The following TST variants were observed in gnomAD, a reference collection of about 807,000 sequenced individuals.
TST encodes thiosulfate sulfurtransferase.
A neutral mutation model predicts 20.4 loss-of-function variants in TST; 22 were observed. That is an observed-to-expected ratio of 1.08 (90% confidence interval 0.77 to 1.54). The LOEUF is 1.54. Among genes scored for constraint, TST ranks in the 40% most tolerant of loss-of-function variants. TST has a pLI of 0.00. For synonymous variants in TST, 187 were observed against 173.8 expected, an observed-to-expected ratio of 1.08 and a Z score of -0.60; for missense variants, 392 against 405.2, an observed-to-expected ratio of 0.97 and a Z score of 0.28.
chr22:37,014,768 T>G (rs1268201031), intron 2 of TST, among the ~76,000 whole-genome samples: 1 of 152,216 alleles, frequency 6.6e-6, no homozygotes, highest in East Asian at 1.9e-4. Flanking sequence ...GATGACCTCT[T>G]GTACTCAACT....
At chr22:37,019,093 C>G (rs1396161336) in intron 1 of TST, 1 of 208,736 alleles carries the variant, frequency 4.8e-6, no homozygotes, top group Non-Finnish European at 9.5e-6. Context: ...AAAGCATGCC[C>G]GGGATGGGGG....
chr22:37,014,653 G>A (rs945525953), intron 2 of TST, among the ~76,000 whole-genome samples: 4 of 152,218 alleles, frequency 2.6e-5, no homozygotes, highest in African/African-American at 9.6e-5. Context: ...GCTTGCCTCA[G>A]GACACACAGC....
At chr22:37,019,865 A>T, upstream of TST, 1 of 1,220,202 alleles carries the variant, frequency 8.2e-7, no homozygotes, top group Non-Finnish European at 1.0e-6. Context: ...CGGGAGTCCG[A>T]GACCCGGGTA....
chr22:37,011,198 C>A lies in TST; in HGVS notation c.723G>T (p.Ser241=). The A allele has an allele frequency of 1.9e-6, 3 of 1,613,772 alleles. No individual in the cohort carries two copies. Among genetic ancestry groups the A allele is most frequent in the Non-Finnish European group, 2.5e-6 (3 of 1,180,008 alleles). ...TGCGGCACGTGGCAATGAGAGGCTG[C>A]GAGAGATCCACCTTCTTGGTCTGGA... ...ALFQTKKVDL[S]QPLIATCRKG... The change falls in exon 3 of 3, where the codon TCG becomes TCT. Residue 241 remains serine, a synonymous_variant. Coordinates refer to ENST00000249042, the MANE Select transcript of TST (RefSeq NM_003312.6).
Position 37,018,270 on chromosome 22 carries a change from C to T in TST, c.463G>A (p.Ala155Thr). The T allele has an allele frequency of 6.2e-7, 1 of 1,614,068 alleles. No individual in the cohort carries two copies. The highest frequency in any genetic ancestry group is 1.3e-5 in the African/African-American group (1 of 75,034). The stretch of plus-strand genomic sequence containing the variant: ...TTGAGCAGGGAGCGGTCCAGTGTGG[C>T]TTTGAAGACGGCCGGTTCTGGGCGT... The part of the protein sequence containing the change: ...PSRPEPAVFK[A>T]TLDRSLLKTY... Residue 155 changes from alanine to threonine, a missense_variant, in exon 2 of 3, where the codon GCC becomes ACC. Physicochemically the swap from Ala to Thr is moderately conservative, Grantham distance 58 (BLOSUM62 0). Transcript: ENST00000249042.
chr22:37,019,834 G>A (rs1922918338), upstream of TST: 2 of 1,210,952 alleles, frequency 1.7e-6, no homozygotes, highest in Non-Finnish European at 1.0e-6. Context: ...CGCCGCGGGG[G>A]CCATGGCGGA....
chr22:37,019,818 G>A (rs531305334), upstream of TST: 178 of 1,178,592 alleles, frequency 1.5e-4, no homozygotes, highest in African/African-American at 2.4e-3. Flanking sequence ...CGGGGAGGGG[G>A]CGCCGCGCCG....
At chr22:37,019,948 T>C (rs1172676110), upstream of TST, 20 of 623,594 alleles carry the variant, frequency 3.2e-5, no homozygotes, top group Admixed American at 5.7e-4. Flanking sequence ...GGCGCGGGGC[T>C]CCCGCGCGGG....
chr22:37,011,772 G>A (rs185704636), intron 2 of TST, among the ~76,000 whole-genome samples: 21 of 152,364 alleles, frequency 1.4e-4, no homozygotes, highest in Non-Finnish European at 5.9e-5. Flanking sequence ...CAGAGACACA[G>A]CCAGGCCCTC....
chr22:37,015,149 T>C (rs4821583), intron 2 of TST, among the ~76,000 whole-genome samples: 70,513 of 151,552 alleles, frequency 0.47, 16,570 homozygotes, highest in East Asian at 0.61. Flanking sequence ...TGCCACTTTG[T>C]CTTAACAGAG....
At chr22:37,017,606 A>C (rs1365439197) in intron 2 of TST, among the ~76,000 whole-genome samples, 2 of 139,254 alleles carry the variant, frequency 1.4e-5, no homozygotes, top group East Asian at 4.2e-4. Flanking sequence ...GACGGGCTGC[A>C]GCTGCCTGGA....
chr22:37,014,523 C>T (rs1024166972), intron 2 of TST, among the ~76,000 whole-genome samples: 7 of 152,246 alleles, frequency 4.6e-5, no homozygotes, highest in Non-Finnish European at 7.3e-5. Context: ...CCATAACCTG[C>T]GGCACCAGGC....
rs1394824392 is a variant in TST, at chr22:37,010,934, A to T, written c.*93T>A. On this transcript the variant is annotated 3_prime_UTR_variant, in exon 3 of 3. Transcript: ENST00000249042. ...AGCCTTGCACAGCAATTCTAAAAACATGTCATCTCCTTCACCTAAGAGGTA... is the reference window on the plus strand; with the variant it reads ...AGCCTTGCACAGCAATTCTAAAAACTTGTCATCTCCTTCACCTAAGAGGTA... 12 of 1,494,700 alleles carry T rather than the reference A, an allele frequency of 8.0e-6. No individual in the cohort carries two copies. Among genetic ancestry groups the T allele is most frequent in the Admixed American group, 6.2e-5 (3 of 48,094 alleles). The allele number at this position is 1,494,700 out of a possible 1,614,324, so 92.6% of individuals were successfully genotyped here.
At position 37,011,046 on chromosome 22, in the gene TST, C is replaced by T. The variant is rs1367443594; in HGVS notation, c.875G>A (p.Gly292Glu). 1.2e-6 allele frequency: 2 copies of T among 1,610,624 alleles called. No homozygotes were observed. Among genetic ancestry groups the T allele is most frequent in the Admixed American group, 1.7e-5 (1 of 60,006 alleles). Residue 292 changes from glycine (G) to glutamate (E), a missense_variant, in exon 3 of 3, where the codon GGA becomes GAA. Coordinates refer to ENST00000249042, the MANE Select transcript of TST (RefSeq NM_003312.6). ...RAPPESRVSQ[G>E]KSEKA Reference sequence around the variant, plus strand: ...CACGGCTCAGGCCTTCTCAGACTTTCCCTGGGACACACGGCTCTCTGGGGG... The same window carrying T: ...CACGGCTCAGGCCTTCTCAGACTTTTCCTGGGACACACGGCTCTCTGGGGG...
chr22:37,018,604 C>T lies in TST; in HGVS notation c.129G>A (p.Glu43=). Residue 43 remains glutamate, a synonymous_variant, in exon 2 of 3, where the codon GAG becomes GAA. Transcript: ENST00000249042. ...DASWYSPGTR[E]ARKEYLERHV... ...GGCGCTCGAGGTACTCCTTGCGGGC[C>T]TCTCGGGTGCCTGGTGAGTACCAGG... 1.3e-6 allele frequency: 2 copies of T among 1,566,072 alleles called. No homozygotes were observed. Among genetic ancestry groups the T allele is most frequent in the Non-Finnish European group, 1.7e-6 (2 of 1,155,794 alleles).
chr22:37,018,810 T>G, intron 1 of TST, 57 bp from the exon 2 acceptor site: 132 of 1,253,622 alleles, frequency 1.1e-4, no homozygotes, highest in Non-Finnish European at 1.2e-4. Flanking sequence ...AGTCGGTGTG[T>G]GCAGTAGGGT....
chr22:37,018,691 C>T lies in TST; in HGVS notation c.42G>A (p.Lys14=), dbSNP rs1390904947. ...QVLYRALVST[K]WLAESIRTGK... ...CAGTCCTGATGGACTCCGCCAGCCA[C>T]TTGGTGGAGACCAGCGCCCGGTAGA... Residue 14 remains lysine, a synonymous_variant, in exon 2 of 3, where the codon AAG becomes AAA. Transcript: ENST00000249042. 6.5e-7 allele frequency: 1 copy of T among 1,532,986 alleles called. No individual in the cohort carries two copies. The highest frequency in any genetic ancestry group is 1.4e-5 in the African/African-American group (1 of 72,548). 95.0% of individuals were successfully genotyped at this position (1,532,986 alleles called of 1,614,324 possible).
intron 2 of TST, among the ~76,000 whole-genome samples, chr22:37,015,271 C>T (rs1922635827): frequency 1.3e-5 from 2 of 152,316 alleles, no homozygotes; most frequent in South Asian, 4.1e-4. Context: ...AAAAAGCGTT[C>T]TGTAAATAAA....
At position 37,018,629 on chromosome 22, in the gene TST, G is replaced by T; in HGVS notation, c.104C>A (p.Ser35Tyr). The change falls in exon 2 of 3, where the codon TCC becomes TAC. Residue 35 changes from serine (S) to tyrosine (Y), a missense_variant. Physicochemically the swap from Ser to Tyr is moderately radical, Grantham distance 144. Transcript: ENST00000249042. The stretch of plus-strand genomic sequence containing the variant: ...CTCTCGGGTGCCTGGTGAGTACCAG[G>T]ACGCGTCCAGCACCCGCAGGCCGGG... ...LGPGLRVLDASWYSPGTREAR... is the reference protein window; with the variant it reads ...LGPGLRVLDAYWYSPGTREAR... 1 of 1,572,578 alleles carries T rather than the reference G, an allele frequency of 6.4e-7. No individual in the cohort carries two copies. The highest frequency in any genetic ancestry group is 8.6e-7 in the Non-Finnish European group (1 of 1,159,282).
Sources: gnomAD v4.1 joint callset for allele counts (sites outside exome capture counted in the v4.1 genomes callset) on GRCh38, gnomAD v4.1.1 for gene constraint, MANE v1.5 for transcripts, NCBI Gene and HGNC (gene_info 2026-07-23, HGNC 2026-07-21) for gene names.